Variants in SCLT1 observed in about 807,000 individuals in gnomAD.
The protein encoded by SCLT1 is sodium channel and clathrin linker 1, also known as sodium channel-associated protein 1.
A neutral mutation model predicts 112.8 loss-of-function variants in SCLT1; 78 were observed. The ratio of observed to expected loss-of-function variants is 0.69; its 90% CI spans 0.58 to 0.83. SCLT1 has a LOEUF of 0.83. SCLT1 is among the 40% of genes least tolerant of loss of function. The pLI, the probability that SCLT1 is intolerant of heterozygous loss-of-function variation, is 0.00. For missense variants in SCLT1, 747 were observed against 770.4 expected (o/e 0.97, Z 0.36); for synonymous variants, 257 against 254.7 (o/e 1.01, Z -0.09).
intron 20 of SCLT1, among the ~76,000 whole-genome samples, chr4:128,886,781 T>A (rs1488304154): frequency 1.3e-5 from 2 of 152,206 alleles, no homozygotes; most frequent in African/African-American, 4.8e-5. Context: ...AGTACTAGAC[T>A]GTTTAGGTTT....
chr4:128,916,376 C>CT (rs1181569843), intron 18 of SCLT1, among the ~76,000 whole-genome samples: 3 of 151,892 alleles, frequency 2.0e-5, no homozygotes, highest in African/African-American at 7.3e-5. Flanking sequence ...TGATTTGTTA[C>CT]TTTTTTTTGT....
chr4:128,951,959 C>A (rs913855020), intron 14 of SCLT1, among the ~76,000 whole-genome samples: 1 of 152,044 alleles, frequency 6.6e-6, no homozygotes, highest in Non-Finnish European at 1.5e-5. Flanking sequence ...TTTAAATATA[C>A]CATTCAGTTG....
At chr4:128,899,762 A>G (rs1292290464) in intron 18 of SCLT1, among the ~76,000 whole-genome samples, 3 of 152,230 alleles carry the variant, frequency 2.0e-5, no homozygotes, top group East Asian at 1.9e-4. Context: ...ACATGATTGT[A>G]TATCTAGAAA....
rs1397913251 is a variant in SCLT1 at position 129,052,499 on chromosome 4, A to AT, written c.103-8449dup. Among the ~76,000 whole-genome samples the AT allele has an allele frequency of 6.4e-3, 931 of 146,236 alleles. 6 individuals carry two copies. The highest frequency in any genetic ancestry group is 0.02 in the African/African-American group (797 of 40,188). Reference sequence around the variant, plus strand: ...TTCATTCATTTCTTCTAGATTTTCAATTTTTTTTTTTGTATAGAGATGTTT... The same window carrying AT: ...TTCATTCATTTCTTCTAGATTTTCAATTTTTTTTTTTTGTATAGAGATGTTT... On this transcript the variant is annotated intron_variant, in intron 2 of 20. Transcript: ENST00000281142.
chr4:129,090,001 T>G (rs1281371534), intron 1 of SCLT1, among the ~76,000 whole-genome samples: 1 of 152,130 alleles, frequency 6.6e-6, no homozygotes. Flanking sequence ...ACCCCAGAAC[T>G]TAAAGTATAA....
At chr4:129,061,331 T>C (rs1185595581) in intron 2 of SCLT1, among the ~76,000 whole-genome samples, 1 of 152,110 alleles carries the variant, frequency 6.6e-6, no homozygotes, top group Non-Finnish European at 1.5e-5. Context: ...AATGTGTCTC[T>C]GCAGCACAGA....
At chr4:129,000,057 T>G (rs536046008) in intron 6 of SCLT1, among the ~76,000 whole-genome samples, 1 of 152,022 alleles carries the variant, frequency 6.6e-6, no homozygotes, top group Admixed American at 6.6e-5. Flanking sequence ...TTAACAGAGA[T>G]GTAGATTTAA....
intron 2 of SCLT1, among the ~76,000 whole-genome samples, chr4:129,078,117 T>G (rs948480462): frequency 6.6e-6 from 1 of 152,194 alleles, no homozygotes; most frequent in Non-Finnish European, 1.5e-5. Flanking sequence ...ACAAGAATAG[T>G]ACACATAAGA....
intron 12 of SCLT1, 118 bp downstream of exon 12, chr4:128,959,482 G>C: frequency 1.4e-6 from 1 of 704,438 alleles, no homozygotes; most frequent in Non-Finnish European, 2.4e-6. Flanking sequence ...CTAATGAAAA[G>C]AGTAGCAATT....
chr4:128,970,154 T>C (rs1035187988), intron 10 of SCLT1, among the ~76,000 whole-genome samples: 1 of 152,222 alleles, frequency 6.6e-6, no homozygotes, highest in African/African-American at 2.4e-5. Context: ...TTAGGTGTGA[T>C]TATGACGTTC....
At chr4:129,021,922 A>G (rs1745515838) in intron 5 of SCLT1, among the ~76,000 whole-genome samples, 1 of 152,218 alleles carries the variant, frequency 6.6e-6, no homozygotes, top group Non-Finnish European at 1.5e-5. Context: ...GGAGAGCTCC[A>G]GCTGGCATCA....
chr4:128,936,690 AAGTT>A lies in SCLT1; in HGVS notation c.1790_1793del (p.Lys597IlefsTer12), dbSNP rs774630744. ...TGATTCTAATTTCTGCACTTTCAGT[AAGTT>A]TCTTCGTTTCTTCTTTCCACCTATT... On this transcript the variant is annotated frameshift_variant, in exon 18 of 21. Coordinates refer to ENST00000281142, the MANE Select transcript of SCLT1 (RefSeq NM_144643.4). LOFTEE classifies it high-confidence loss of function. 1 of 1,604,378 alleles carries A rather than the reference AAGTT, an allele frequency of 6.2e-7. No individual in the cohort carries two copies. The highest frequency in any genetic ancestry group is 1.4e-5 in the African/African-American group (1 of 74,024).
At chr4:129,033,020 A>G (rs1174928996) in intron 5 of SCLT1, among the ~76,000 whole-genome samples, 2 of 152,230 alleles carry the variant, frequency 1.3e-5, no homozygotes, top group African/African-American at 4.8e-5. Context: ...TCTACCATCA[A>G]GACACATGTA....
At chr4:129,043,971 T>C (rs751140313) in intron 3 of SCLT1, 22 bp downstream of exon 3, 9 of 1,205,366 alleles carry the variant, frequency 7.5e-6, no homozygotes, top group African/African-American at 1.5e-5. Context: ...AAGAAAATGA[T>C]ATTATTCTGG....
Position 128,993,225 on chromosome 4 carries a change from A to G in SCLT1, c.616-988T>C, listed in dbSNP as rs1266927430. 2.0e-5 allele frequency among the ~76,000 whole-genome samples: 3 copies of G among 152,034 alleles called. No individual in the cohort carries two copies. The East Asian group carries it at 5.8e-4, about 29-fold the overall frequency. ...AACTGTTTCCTTTCTGTACTTTGATAAAACTTAATACATGCCTTTACAGTG... is the reference window on the plus strand; with the variant it reads ...AACTGTTTCCTTTCTGTACTTTGATGAAACTTAATACATGCCTTTACAGTG... On this transcript the variant is annotated intron_variant, in intron 8 of 20. Coordinates refer to ENST00000281142, the MANE Select transcript of SCLT1 (RefSeq NM_144643.4).
intron 13 of SCLT1, among the ~76,000 whole-genome samples, chr4:128,954,042 C>A (rs1038471972): frequency 2.0e-5 from 3 of 152,026 alleles, no homozygotes; most frequent in African/African-American, 7.2e-5. Flanking sequence ...AGTCACATCT[C>A]ATCAGGATTT....
At chr4:129,081,348 G>T (rs1751920230) in intron 2 of SCLT1, among the ~76,000 whole-genome samples, 1 of 152,194 alleles carries the variant, frequency 6.6e-6, no homozygotes, top group Non-Finnish European at 1.5e-5. Context: ...TAACGCTCTG[G>T]TCCCCTGGAC....
intron 20 of SCLT1, among the ~76,000 whole-genome samples, chr4:128,885,390 A>T (rs1447658282): frequency 6.6e-6 from 1 of 152,236 alleles, no homozygotes; most frequent in Non-Finnish European, 1.5e-5. Flanking sequence ...TTTAAATGAG[A>T]ATATATGTAT....
At chr4:129,072,302 G>A (rs1023755986) in intron 2 of SCLT1, among the ~76,000 whole-genome samples, 11 of 152,042 alleles carry the variant, frequency 7.2e-5, no homozygotes, top group African/African-American at 2.4e-4. Context: ...ATCTTTTTGC[G>A]ATGAATTTCC....
Sources: gnomAD v4.1 joint callset for allele counts (sites outside exome capture counted in the v4.1 genomes callset) on GRCh38, gnomAD v4.1.1 for gene constraint, MANE v1.5 for transcripts, NCBI Gene and HGNC (gene_info 2026-07-23, HGNC 2026-07-21) for gene names.